Variants in ABCA13 observed in about 807,000 individuals in gnomAD.
ABCA13 encodes the protein ATP-binding cassette sub-family A member 13.
Under a neutral mutation model 478.7 loss-of-function variants are expected in ABCA13, and 476 were observed. The observed-to-expected ratio is 0.99, with a 90% CI of 0.92 to 1.07. ABCA13 has a LOEUF of 1.07. Among genes scored for constraint, ABCA13 ranks in the 50% least tolerant of loss-of-function variants. The pLI is 0.00. For synonymous variants in ABCA13, 2,252 were observed against 2,158.9 expected, an observed-to-expected ratio of 1.04 and a Z score of -1.20; for missense variants, 6,060 against 5,910.6, an observed-to-expected ratio of 1.03 and a Z score of -0.83.
chr7:48,216,622 T>G (rs192381157), intron 3 of ABCA13, among the ~76,000 whole-genome samples: 1 of 151,976 alleles, frequency 6.6e-6, no homozygotes, highest in Admixed American at 6.5e-5. Context: ...TTTCTTTTGT[T>G]GTTTGTGCTT....
At chr7:48,555,795 C>G (rs1272777232) in intron 55 of ABCA13, among the ~76,000 whole-genome samples, 3 of 150,914 alleles carry the variant, frequency 2.0e-5, no homozygotes, top group Non-Finnish European at 4.4e-5. Context: ...ATATTATTTT[C>G]TTTATTTCAC....
intron 2 of ABCA13, among the ~76,000 whole-genome samples, chr7:48,195,183 G>A (rs959455878): frequency 6.6e-6 from 1 of 152,244 alleles, no homozygotes. Flanking sequence ...TGTGGCTGAA[G>A]TAGTAAGCAG....
chr7:48,593,783 G>A (rs566460252), intron 57 of ABCA13, among the ~76,000 whole-genome samples: 6 of 151,566 alleles, frequency 4.0e-5, no homozygotes, highest in Non-Finnish European at 8.8e-5. Flanking sequence ...CTTTTGTTTG[G>A]GAAATTCTTT....
chr7:48,364,383 A>C (rs1811352444), intron 31 of ABCA13, among the ~76,000 whole-genome samples: 1 of 152,192 alleles, frequency 6.6e-6, no homozygotes, highest in Non-Finnish European at 1.5e-5. Context: ...GGTAATTGAG[A>C]TAGCCATCAC....
Position 48,219,384 on chromosome 7 carries a change from C to T in ABCA13, c.318C>T (p.Pro106=). The T allele has an allele frequency of 6.2e-7, 1 of 1,612,292 alleles. No individual in the cohort carries two copies. Among genetic ancestry groups the T allele is most frequent in the Non-Finnish European group, 8.5e-7 (1 of 1,179,334 alleles). Residue 106 remains proline, a synonymous_variant, in exon 4 of 62, where the codon CCC becomes CCT. Transcript: ENST00000435803. ...CTAGGTTCCAAACTGCAGCTGACCC[C>T]AAGAAAGTCAACAACCTGGCCTTTT... The part of the protein sequence containing the change: ...RLSRFQTAAD[P]KKVNNLAFLK...
chr7:48,311,576 T>C (rs1339587537), intron 24 of ABCA13, among the ~76,000 whole-genome samples: 1 of 152,184 alleles, frequency 6.6e-6, no homozygotes, highest in Non-Finnish European at 1.5e-5. Context: ...GAGGCCCACA[T>C]AATTACTGTG....
At position 48,433,379 on chromosome 7, in the gene ABCA13, G is replaced by A. The variant is rs557958016; in HGVS notation, c.12565+5508G>A. Among the ~76,000 whole-genome samples the A allele has an allele frequency of 4.0e-5, 6 of 150,626 alleles. 1 individual carries two copies. The highest frequency in any genetic ancestry group is 2.1e-4 in the South Asian group (1 of 4,812). On this transcript the variant is annotated intron_variant, in intron 42 of 61. Coordinates refer to ENST00000435803, the MANE Select transcript of ABCA13 (RefSeq NM_152701.5). ...AAAAAATATTTTTTTCATCTAGGAC[G>A]TTTTTTGGTAATAGAAAATATCAAA...
intron 38 of ABCA13, among the ~76,000 whole-genome samples, chr7:48,395,143 T>C (rs1816663616): frequency 6.6e-6 from 1 of 152,190 alleles, no homozygotes; most frequent in Non-Finnish European, 1.5e-5. Flanking sequence ...TTAGGTTTTG[T>C]TCCTTAGGCT....
At chr7:48,639,170 A>G (rs1395169993) in intron 59 of ABCA13, among the ~76,000 whole-genome samples, 1 of 152,134 alleles carries the variant, frequency 6.6e-6, no homozygotes, top group African/African-American at 2.4e-5. Context: ...AATCATGAGG[A>G]CTGAGATTAC....
chr7:48,178,690 G>GTAAAA (rs917735592), intron 1 of ABCA13, among the ~76,000 whole-genome samples: 25 of 148,796 alleles, frequency 1.7e-4, no homozygotes, highest in Middle Eastern at 3.4e-3. Context: ...ATAAAAAAAA[G>GTAAAA]TAAAATAAAA....
At chr7:48,393,884 A>G (rs1446948767) in intron 38 of ABCA13, among the ~76,000 whole-genome samples, 1 of 152,154 alleles carries the variant, frequency 6.6e-6, no homozygotes, top group Non-Finnish European at 1.5e-5. Context: ...TCACCCCTGC[A>G]TCATGCCTCT....
intron 53 of ABCA13, among the ~76,000 whole-genome samples, chr7:48,523,158 T>G (rs1224947414): frequency 1.3e-5 from 2 of 152,198 alleles, no homozygotes; most frequent in African/African-American, 4.8e-5. Context: ...ATTTTTATTT[T>G]TATTGATTCA....
Position 48,350,678 on chromosome 7 carries a change from G to T in ABCA13, c.10240G>T (p.Ala3414Ser), listed in dbSNP as rs367666935. The part of the protein sequence containing the change: ...LLDEMFNHAG[A>S]GRFRFLGSIL... ...GGATGAGATGTTTAACCATGCAGGCGCTGGACGCTTCCGTTTCTTGGGCAG... is the reference window on the plus strand; with the variant it reads ...GGATGAGATGTTTAACCATGCAGGCTCTGGACGCTTCCGTTTCTTGGGCAG... The change falls in exon 30 of 62, where the codon GCT becomes TCT. Residue 3414 changes from alanine to serine, a missense_variant. Transcript: ENST00000435803. 199 of 1,613,740 alleles carry T rather than the reference G, an allele frequency of 1.2e-4. No individual in the cohort carries two copies. Among genetic ancestry groups the T allele is most frequent in the Non-Finnish European group, 1.6e-4 (185 of 1,179,822 alleles).
chr7:48,561,013 A>G (rs1786397231), intron 55 of ABCA13, among the ~76,000 whole-genome samples: 1 of 152,144 alleles, frequency 6.6e-6, no homozygotes, highest in South Asian at 2.1e-4. Context: ...TTCTGTCCAT[A>G]TCATCACAAA....
intron 3 of ABCA13, among the ~76,000 whole-genome samples, chr7:48,214,071 A>G (rs1786081490): frequency 6.6e-6 from 1 of 152,236 alleles, no homozygotes; most frequent in Admixed American, 6.5e-5. Context: ...TGAAATTTGA[A>G]GTTACTTCTT....
chr7:48,245,676 T>C (rs1801719173), intron 12 of ABCA13, 64 bp downstream of exon 12: 1 of 1,532,556 alleles, frequency 6.5e-7, no homozygotes, highest in East Asian at 2.3e-5. Flanking sequence ...GCTCATGCAA[T>C]ATTCAGTTTT....
chr7:48,362,805 G>A (rs1347114873), intron 31 of ABCA13, among the ~76,000 whole-genome samples: 1 of 151,616 alleles, frequency 6.6e-6, no homozygotes, highest in Admixed American at 6.6e-5. Flanking sequence ...TGCAATTTTA[G>A]CTGGTATTGT....
intron 55 of ABCA13, among the ~76,000 whole-genome samples, chr7:48,572,982 C>A (rs1787821953): frequency 6.6e-6 from 1 of 152,044 alleles, no homozygotes. Flanking sequence ...TCTATTCCAT[C>A]TAAATTATTC....
At chr7:48,545,531 G>T (rs1165143718) in intron 55 of ABCA13, among the ~76,000 whole-genome samples, 2 of 151,520 alleles carry the variant, frequency 1.3e-5, no homozygotes, top group African/African-American at 4.8e-5. Context: ...ACAAATCTTT[G>T]CAAGGATGGT....
Sources: allele counts gnomAD v4.1 joint callset (sites outside exome capture counted in the v4.1 genomes callset), GRCh38; gene constraint gnomAD v4.1.1; transcripts MANE v1.5; gene names NCBI Gene and HGNC (gene_info 2026-07-23, HGNC 2026-07-21).